The following TRMT11 variants were observed in gnomAD, a reference collection of about 807,000 sequenced individuals.
TRMT11 encodes the protein tRNA methyltransferase 11, also known as tRNA (guanine(10)-N(2))-methyltransferase TRMT11.
In TRMT11, 53 loss-of-function variants were observed where a neutral mutation model predicts 62.8. The ratio of observed to expected loss-of-function variants is 0.84; its 90% CI spans 0.68 to 1.06. The LOEUF (loss-of-function observed/expected upper bound fraction) is 1.06. Ranked by LOEUF, TRMT11 falls within the 50% of genes least tolerant of loss-of-function variation. TRMT11 has a pLI of 0.00. For missense variants in TRMT11, 556 were observed against 553.4 expected (o/e 1.00, Z -0.05); for synonymous variants, 188 against 190.3 (o/e 0.99, Z 0.10).
chr6:126,167,018 A>G (rs1778275722), intron 21 of TRMT11, among the ~76,000 whole-genome samples: 1 of 152,144 alleles, frequency 6.6e-6, no homozygotes, highest in Admixed American at 6.5e-5. Context: ...GGCAGCAAGA[A>G]TTTCAAGCCA....
chr6:126,225,777 A>G, the TRMT11 span, among the ~76,000 whole-genome samples: 2 of 134,240 alleles, frequency 1.5e-5, no homozygotes, highest in Non-Finnish European at 3.0e-5. Context: ...TGCACCCTCT[A>G]CCTCCTGGTT....
intron 12 of TRMT11, among the ~76,000 whole-genome samples, chr6:126,023,921 A>G (rs1435738181): frequency 1.3e-5 from 2 of 152,240 alleles, no homozygotes; most frequent in African/African-American, 2.4e-5. Context: ...TGTAATTTCA[A>G]TAAAAACTAA....
Position 125,998,088 on chromosome 6 carries a change from C to T in TRMT11, c.248C>T (p.Pro83Leu). ...IFELWGHGQSPEELYSSLKNY... is the reference protein window; with the variant it reads ...IFELWGHGQSLEELYSSLKNY... ...GAACTATGGGGTCATGGACAATCTC[C>T]TGAGGAGCTGTACAGTTCTCTTAAA... The change falls in exon 4 of 13, where the codon CCT becomes CTT. Residue 83 changes from proline to leucine, a missense_variant. By Grantham distance (98) the Pro-to-Leu change is moderately conservative (BLOSUM62 -3). Coordinates refer to ENST00000334379, the MANE Select transcript of TRMT11 (RefSeq NM_001031712.3). 6.2e-7 allele frequency: 1 copy of T among 1,613,454 alleles called. No individual in the cohort carries two copies. Among genetic ancestry groups the T allele is most frequent in the African/African-American group, 1.3e-5 (1 of 74,974 alleles).
intron 21 of TRMT11, among the ~76,000 whole-genome samples, chr6:126,122,408 C>T (rs1583881390): frequency 6.6e-6 from 1 of 152,068 alleles, no homozygotes; most frequent in African/African-American, 2.4e-5. Flanking sequence ...AACCAGAATC[C>T]TTCCCCAAGG....
chr6:126,169,328 T>A (rs1778303796), intron 21 of TRMT11, among the ~76,000 whole-genome samples: 1 of 152,198 alleles, frequency 6.6e-6, no homozygotes, highest in Admixed American at 6.5e-5. Flanking sequence ...GTTTTGGAAT[T>A]GGAAATGAGC....
chr6:126,247,688 C>T, the TRMT11 span, among the ~76,000 whole-genome samples: 1 of 150,752 alleles, frequency 6.6e-6, no homozygotes, highest in Non-Finnish European at 1.5e-5. Flanking sequence ...GGGATAAAAC[C>T]TGATGAAATC....
At chr6:126,110,823 T>G (rs1777522982) in intron 17 of TRMT11, among the ~76,000 whole-genome samples, 1 of 152,120 alleles carries the variant, frequency 6.6e-6, no homozygotes, top group Non-Finnish European at 1.5e-5. Flanking sequence ...TGATTTAACA[T>G]TTATTGCATG....
downstream of TRMT11, among the ~76,000 whole-genome samples, chr6:126,205,485 C>T (rs1199569191): frequency 6.6e-6 from 1 of 151,970 alleles, no homozygotes; most frequent in Non-Finnish European, 1.5e-5. Flanking sequence ...GCCTGGGTGA[C>T]AGAGTGAGAC....
rs572077734 is a variant in TRMT11, at chr6:126,167,057, G to T, written c.*1824-7768G>T. On this transcript the variant is annotated intron_variant and NMD_transcript_variant, in intron 21 of 22. Transcript: ENST00000648977. Reference sequence around the variant, plus strand: ...CATCTTAGCCTGTCAGGCTTCATTGGGGGTGGGATCCACTGAGCAAGACCT... The same window carrying T: ...CATCTTAGCCTGTCAGGCTTCATTGTGGGTGGGATCCACTGAGCAAGACCT... Among the ~76,000 whole-genome samples the T allele has an allele frequency of 9.8e-4, 149 of 152,264 alleles. 1 individual carries two copies. Among genetic ancestry groups the T allele is most frequent in the African/African-American group, 3.3e-3 (136 of 41,546 alleles).
chr6:126,144,438 T>G (rs1777952876), intron 21 of TRMT11, among the ~76,000 whole-genome samples: 1 of 152,150 alleles, frequency 6.6e-6, no homozygotes, highest in Admixed American at 6.5e-5. Context: ...CTGCCCAGAC[T>G]TTTTCTTCTC....
intron 12 of TRMT11, among the ~76,000 whole-genome samples, chr6:126,029,253 TATTTTTTACATAAGACATA>T (rs1773746301): frequency 6.6e-6 from 1 of 152,206 alleles, no homozygotes; most frequent in Non-Finnish European, 1.5e-5. Flanking sequence ...TTTTAATGCG[TATTTTTTACATAAGACATA>T]AATGTACACT....
At chr6:126,211,868 C>G in the TRMT11 span, among the ~76,000 whole-genome samples, 2 of 151,982 alleles carry the variant, frequency 1.3e-5, no homozygotes, top group Admixed American at 6.6e-5. Context: ...AATACTAGAT[C>G]TCATTCATTT....
the TRMT11 span, among the ~76,000 whole-genome samples, chr6:126,210,838 C>G: frequency 6.6e-6 from 1 of 152,162 alleles, no homozygotes; most frequent in African/African-American, 2.4e-5. Context: ...AACTTCATCC[C>G]TTTTATCAAA....
intron 12 of TRMT11, among the ~76,000 whole-genome samples, chr6:126,036,685 G>T (rs979345334): frequency 6.6e-6 from 1 of 152,120 alleles, no homozygotes; most frequent in African/African-American, 2.4e-5. Flanking sequence ...ATTCTGCCAG[G>T]ATTAAGCTAA....
chr6:126,209,210 T>A, the TRMT11 span, among the ~76,000 whole-genome samples: 5 of 152,270 alleles, frequency 3.3e-5, no homozygotes, highest in South Asian at 1.0e-3. Flanking sequence ...CCAATACTGA[T>A]TTCAGAGTCA....
At chr6:126,092,451 C>T (rs1050727240) in intron 17 of TRMT11, among the ~76,000 whole-genome samples, 7 of 152,138 alleles carry the variant, frequency 4.6e-5, no homozygotes, top group Non-Finnish European at 7.3e-5. Flanking sequence ...GACATATGCA[C>T]TACCATGAGA....
At chr6:126,241,129 A>G in the TRMT11 span, among the ~76,000 whole-genome samples, 2 of 152,214 alleles carry the variant, frequency 1.3e-5, no homozygotes, top group Non-Finnish European at 2.9e-5. Context: ...TGGCTAGGAA[A>G]GGGAATTCCC....
At chr6:126,000,406 A>G (rs1481915404) in intron 7 of TRMT11, among the ~76,000 whole-genome samples, 1 of 152,142 alleles carries the variant, frequency 6.6e-6, no homozygotes, top group Non-Finnish European at 1.5e-5. Flanking sequence ...TTGAATAGTA[A>G]ATGTATCAGG....
intron 17 of TRMT11, among the ~76,000 whole-genome samples, chr6:126,059,863 T>C (rs1776480972): frequency 1.3e-5 from 2 of 152,226 alleles, no homozygotes; most frequent in Non-Finnish European, 2.9e-5. Context: ...TCATAGTGTC[T>C]GGTTGAATGA....
Sources: allele counts gnomAD v4.1 joint callset (sites outside exome capture counted in the v4.1 genomes callset), GRCh38; gene constraint gnomAD v4.1.1; transcripts MANE v1.5; gene names NCBI Gene and HGNC (gene_info 2026-07-23, HGNC 2026-07-21).